The following CNTNAP2 variants were observed in gnomAD, a reference collection of about 807,000 sequenced individuals.
CNTNAP2 encodes contactin-associated protein-like 2.
In CNTNAP2, 98 loss-of-function variants were observed where a neutral mutation model predicts 155.2. The ratio of observed to expected loss-of-function variants is 0.63; its 90% CI spans 0.54 to 0.75. The LOEUF is 0.75. CNTNAP2 is among the 30% of genes least tolerant of loss of function. The pLI, the probability that CNTNAP2 is intolerant of heterozygous loss-of-function variation, is 0.00. For synonymous variants in CNTNAP2, 651 were observed against 631.2 expected, an observed-to-expected ratio of 1.03 and a Z score of -0.47; for missense variants, 1,727 against 1,688.1, an observed-to-expected ratio of 1.02 and a Z score of -0.40.
chr7:147,612,641 T>C (rs1488519721), intron 12 of CNTNAP2, among the ~76,000 whole-genome samples: 3 of 152,074 alleles, frequency 2.0e-5, no homozygotes. Flanking sequence ...GCTCAGGCAA[T>C]CTGCCCGCCT....
intron 1 of CNTNAP2, among the ~76,000 whole-genome samples, chr7:146,741,730 G>C (rs1443885369): frequency 2.0e-5 from 3 of 152,146 alleles, no homozygotes; most frequent in Admixed American, 6.6e-5. Flanking sequence ...TAATATGAAG[G>C]ATATAAGACA....
intron 10 of CNTNAP2, among the ~76,000 whole-genome samples, chr7:147,467,672 A>C (rs1798144206): frequency 6.6e-6 from 1 of 152,334 alleles, no homozygotes; most frequent in South Asian, 2.1e-4. Flanking sequence ...AATACAAATA[A>C]GTAAATGACT....
chr7:147,449,346 C>T (rs1202136393), intron 10 of CNTNAP2, among the ~76,000 whole-genome samples: 3 of 152,208 alleles, frequency 2.0e-5, no homozygotes, highest in East Asian at 1.9e-4. Flanking sequence ...CTACAAGCAA[C>T]GTTCTCATCT....
chr7:147,098,509 T>C (rs571879410), intron 4 of CNTNAP2, among the ~76,000 whole-genome samples: 1 of 152,218 alleles, frequency 6.6e-6, no homozygotes, highest in Non-Finnish European at 1.5e-5. Flanking sequence ...ATGTTATGGA[T>C]GTAGAAGATA....
At chr7:147,358,276 T>G (rs754938811) in intron 9 of CNTNAP2, among the ~76,000 whole-genome samples, 3 of 152,158 alleles carry the variant, frequency 2.0e-5, no homozygotes, top group Non-Finnish European at 2.9e-5. Flanking sequence ...ACCTCAGTTT[T>G]TGGGTGGTCT....
chr7:147,947,923 C>G (rs1322265360), intron 14 of CNTNAP2, among the ~76,000 whole-genome samples: 1 of 151,808 alleles, frequency 6.6e-6, no homozygotes, highest in African/African-American at 2.4e-5. Flanking sequence ...CTTCATAATC[C>G]CTGTAGATAA....
intron 16 of CNTNAP2, among the ~76,000 whole-genome samples, chr7:148,143,405 G>A (rs1277236761): frequency 2.0e-5 from 3 of 152,228 alleles, no homozygotes; most frequent in Non-Finnish European, 4.4e-5. Context: ...TAGACCAGGT[G>A]TGGTGGCTCA....
chr7:146,429,852 G>A (rs562899694), intron 1 of CNTNAP2, among the ~76,000 whole-genome samples: 20 of 152,244 alleles, frequency 1.3e-4, no homozygotes, highest in African/African-American at 4.8e-4. Flanking sequence ...GATATAGGAT[G>A]TGGGTTTGTT....
chr7:147,074,031 C>T (rs928555867), intron 4 of CNTNAP2, among the ~76,000 whole-genome samples: 5 of 152,116 alleles, frequency 3.3e-5, no homozygotes, highest in Non-Finnish European at 7.4e-5. Flanking sequence ...ATTCAATTAA[C>T]CTATTATTAT....
At chr7:146,286,036 TTCTG>T (rs1306673585) in intron 1 of CNTNAP2, among the ~76,000 whole-genome samples, 3 of 110,648 alleles carry the variant, frequency 2.7e-5, no homozygotes, top group Admixed American at 1.0e-4. Context: ...CTGCCTGTCT[TTCTG>T]TCTTTTTTTC....
intron 1 of CNTNAP2, among the ~76,000 whole-genome samples, chr7:146,124,720 C>T (rs1359852947): frequency 1.3e-5 from 2 of 152,054 alleles, no homozygotes; most frequent in Non-Finnish European, 2.9e-5. Context: ...AACTATTATA[C>T]TAGCTTAGTG....
chr7:146,492,958 A>G (rs1029552033), intron 1 of CNTNAP2, among the ~76,000 whole-genome samples: 1 of 152,210 alleles, frequency 6.6e-6, no homozygotes, highest in Non-Finnish European at 1.5e-5. Flanking sequence ...TGAGTAAACA[A>G]CACCAAACAA....
At chr7:146,737,665 T>A (rs1801644002) in intron 1 of CNTNAP2, among the ~76,000 whole-genome samples, 2 of 152,120 alleles carry the variant, frequency 1.3e-5, no homozygotes, top group South Asian at 4.1e-4. Context: ...TCAGTGATGA[T>A]GAACATTTTT....
intron 8 of CNTNAP2, among the ~76,000 whole-genome samples, chr7:147,293,660 T>G (rs1332151057): frequency 6.6e-6 from 1 of 152,124 alleles, no homozygotes; most frequent in African/African-American, 2.4e-5. Flanking sequence ...TTTAAATACG[T>G]TCTTTTTCTT....
chr7:147,418,697 C>CT (rs1797240570), intron 10 of CNTNAP2, among the ~76,000 whole-genome samples: 1 of 152,216 alleles, frequency 6.6e-6, no homozygotes, highest in Non-Finnish European at 1.5e-5. Context: ...AAACAATTGA[C>CT]TGGCAAATGG....
chr7:146,219,707 T>G (rs1215546433), intron 1 of CNTNAP2, among the ~76,000 whole-genome samples: 1 of 152,166 alleles, frequency 6.6e-6, no homozygotes, highest in Non-Finnish European at 1.5e-5. Context: ...GTGATTTTTT[T>G]TACACTTGAA....
At chr7:148,369,687 C>G (rs1438357816) in intron 21 of CNTNAP2, among the ~76,000 whole-genome samples, 2 of 125,814 alleles carry the variant, frequency 1.6e-5, no homozygotes, top group East Asian at 2.0e-4. Flanking sequence ...ATTACTATTA[C>G]TGCTACATTC....
chr7:147,436,212 T>C (rs1218992061), intron 10 of CNTNAP2, among the ~76,000 whole-genome samples: 1 of 152,144 alleles, frequency 6.6e-6, no homozygotes, highest in Non-Finnish European at 1.5e-5. Flanking sequence ...TAAAGCAACA[T>C]CACATATACC....
At chr7:146,750,225 T>C (rs1801880209) in intron 1 of CNTNAP2, among the ~76,000 whole-genome samples, 1 of 152,114 alleles carries the variant, frequency 6.6e-6, no homozygotes, top group Non-Finnish European at 1.5e-5. Context: ...TCATACAGAT[T>C]CCATTTTGTT....
Sources: gnomAD v4.1 joint callset for allele counts (sites outside exome capture counted in the v4.1 genomes callset) on GRCh38, gnomAD v4.1.1 for gene constraint, MANE v1.5 for transcripts, NCBI Gene and HGNC (gene_info 2026-07-23, HGNC 2026-07-21) for gene names.